LRP1B: variants seen among roughly 807,000 people sequenced by gnomAD.
LRP1B encodes the protein LDL receptor related protein 1B.
In LRP1B, 217 loss-of-function variants were observed where a neutral mutation model predicts 556.6. That is an observed-to-expected ratio of 0.39 (90% confidence interval 0.35 to 0.44). The LOEUF is 0.44. LRP1B is among the 20% of genes least tolerant of loss of function. The pLI, the probability that LRP1B is intolerant of heterozygous loss-of-function variation, is 1.00. For synonymous variants in LRP1B, 2,047 were observed against 1,865.8 expected (o/e 1.10, Z -2.50); for missense variants, 5,053 against 5,620.8 (o/e 0.90, Z 3.23).
At chr2:140,541,715 A>G (rs1680138510) in intron 44 of LRP1B, 64 bp downstream of exon 44, 1 of 1,227,252 alleles carries the variant, frequency 8.1e-7, no homozygotes, top group African/African-American at 1.5e-5. Context: ...GAAAACATAT[A>G]TACATTTTTA....
chr2:140,960,653 C>A (rs2105314486), intron 18 of LRP1B, among the ~76,000 whole-genome samples: 1 of 151,920 alleles, frequency 6.6e-6, no homozygotes, highest in East Asian at 1.9e-4. Flanking sequence ...CCTAGTCATG[C>A]CTGATAGCTC....
chr2:141,142,054 G>A (rs537694304), intron 7 of LRP1B, among the ~76,000 whole-genome samples: 18 of 150,144 alleles, frequency 1.2e-4, no homozygotes, highest in African/African-American at 4.4e-4. Context: ...TTCTCCTAAG[G>A]CATTGTTTAT....
intron 2 of LRP1B, among the ~76,000 whole-genome samples, chr2:141,532,394 C>T (rs1307940179): frequency 1.3e-5 from 2 of 151,560 alleles, no homozygotes; most frequent in African/African-American, 4.9e-5. Context: ...CAAACATGTC[C>T]TCAGTCTAGA....
intron 6 of LRP1B, among the ~76,000 whole-genome samples, chr2:141,197,366 C>T (rs919359953): frequency 2.6e-5 from 4 of 152,108 alleles, no homozygotes; most frequent in African/African-American, 9.7e-5. Context: ...TTTTTACTTA[C>T]ACTCACTTAA....
intron 7 of LRP1B, among the ~76,000 whole-genome samples, chr2:141,113,484 T>C (rs1342891557): frequency 6.6e-6 from 1 of 152,192 alleles, no homozygotes; most frequent in Non-Finnish European, 1.5e-5. Flanking sequence ...AAAACAATTT[T>C]AAAATCTTTT....
intron 86 of LRP1B, among the ~76,000 whole-genome samples, chr2:140,257,732 G>A (rs1403163354): frequency 6.6e-6 from 1 of 152,140 alleles, no homozygotes; most frequent in African/African-American, 2.4e-5. Context: ...ATATAACAAG[G>A]GGGAGAAAGC....
At chr2:140,658,156 G>A (rs186027697) in intron 41 of LRP1B, among the ~76,000 whole-genome samples, 1 of 151,690 alleles carries the variant, frequency 6.6e-6, no homozygotes, top group Non-Finnish European at 1.5e-5. Flanking sequence ...AATTTCAGTT[G>A]GTTAACATTG....
intron 1 of LRP1B, among the ~76,000 whole-genome samples, chr2:141,977,074 T>A (rs1306657190): frequency 6.6e-6 from 1 of 152,174 alleles, no homozygotes; most frequent in African/African-American, 2.4e-5. Context: ...GGTAAAAAGT[T>A]GCACGTAGTT....
At chr2:140,874,540 G>T (rs1693243547) in intron 25 of LRP1B, among the ~76,000 whole-genome samples, 1 of 151,974 alleles carries the variant, frequency 6.6e-6, no homozygotes, top group East Asian at 1.9e-4. Context: ...CAGTCTAACA[G>T]ATTTTTATGG....
intron 1 of LRP1B, among the ~76,000 whole-genome samples, chr2:141,891,762 C>A (rs1375838334): frequency 6.6e-6 from 1 of 152,060 alleles, no homozygotes; most frequent in African/African-American, 2.4e-5. Flanking sequence ...CTTAGATATA[C>A]ATCTGCTATT....
intron 12 of LRP1B, among the ~76,000 whole-genome samples, chr2:141,017,006 G>A (rs1284748183): frequency 2.0e-5 from 3 of 151,994 alleles, no homozygotes; most frequent in African/African-American, 7.2e-5. Flanking sequence ...TACCAATTAA[G>A]CTCTTTTTAA....
chr2:142,008,559 T>C (rs886658992), intron 1 of LRP1B, among the ~76,000 whole-genome samples: 1 of 151,978 alleles, frequency 6.6e-6, no homozygotes, highest in Non-Finnish European at 1.5e-5. Flanking sequence ...GCCTGTTTTT[T>C]CCTTTCTGTC....
intron 2 of LRP1B, among the ~76,000 whole-genome samples, chr2:141,666,979 AT>A (rs35236182): frequency 3.4e-4 from 50 of 148,548 alleles, no homozygotes; most frequent in Middle Eastern, 7.0e-3. Flanking sequence ...TTATTTCTAG[AT>A]TTTTTTTTTT....
intron 86 of LRP1B, among the ~76,000 whole-genome samples, chr2:140,261,040 T>C (rs569183325): frequency 1.0e-3 from 123 of 122,052 alleles, no homozygotes; most frequent in African/African-American, 4.2e-3. Context: ...GTTGGTGAGA[T>C]ATATATATAT....
chr2:140,839,918 A>G, intron 31 of LRP1B, 73 bp downstream of exon 31: 2 of 868,020 alleles, frequency 2.3e-6, no homozygotes, highest in Non-Finnish European at 3.6e-6. Context: ...TTCAGGATCT[A>G]GATCAAAGGT....
chr2:140,889,986 T>C (rs1196362050), intron 23 of LRP1B, among the ~76,000 whole-genome samples: 3 of 151,996 alleles, frequency 2.0e-5, no homozygotes, highest in Middle Eastern at 3.2e-3. Flanking sequence ...TAGTTTGATA[T>C]AGCAAACTCC....
chr2:140,574,952 C>G (rs1352044), intron 43 of LRP1B, among the ~76,000 whole-genome samples: 63,200 of 151,864 alleles, frequency 0.42, 13,369 homozygotes, highest in Middle Eastern at 0.58. Context: ...TGCCCTTGCA[C>G]ATAAATAAAA....
chr2:140,295,968 T>G (rs142290166), intron 84 of LRP1B, among the ~76,000 whole-genome samples: 4 of 151,982 alleles, frequency 2.6e-5, no homozygotes, highest in African/African-American at 7.2e-5. Flanking sequence ...TATTTAAAGG[T>G]AAAATTGAGA....
At chr2:140,795,186 T>G (rs1293605535) in intron 32 of LRP1B, among the ~76,000 whole-genome samples, 7 of 152,192 alleles carry the variant, frequency 4.6e-5, no homozygotes, top group Non-Finnish European at 1.0e-4. Context: ...CCTGTCTTTC[T>G]AAATCTCATC....
Sources: allele counts gnomAD v4.1 joint callset (sites outside exome capture counted in the v4.1 genomes callset), GRCh38; gene constraint gnomAD v4.1.1; transcripts MANE v1.5; gene names NCBI Gene and HGNC (gene_info 2026-07-23, HGNC 2026-07-21).